Variants in LDB2 observed in about 807,000 individuals in gnomAD.
LDB2 encodes LIM domain binding 2, also known as LIM domain-binding protein 2.
In LDB2, 12 loss-of-function variants were observed where a neutral mutation model predicts 44.3. That is an observed-to-expected ratio of 0.27 (90% CI 0.17 to 0.44). The LOEUF (loss-of-function observed/expected upper bound fraction) is 0.44, where lower values mean the gene tolerates loss of function less well. LDB2 is among the 20% of genes least tolerant of loss of function. The pLI, the probability that LDB2 is intolerant of heterozygous loss-of-function variation, is 1.00. For synonymous variants in LDB2, 164 were observed against 174.8 expected (o/e 0.94, Z 0.49); for missense variants, 344 against 473.5 (o/e 0.73, Z 2.54).
chr4:16,595,992 C>T, intron 2 of LDB2, 117 bp from the exon 3 acceptor site: 1 of 1,017,198 alleles, frequency 9.8e-7, no homozygotes, highest in Non-Finnish European at 1.4e-6. Context: ...AGAAACCATA[C>T]CAGGAGGCAA....
intron 2 of LDB2, among the ~76,000 whole-genome samples, chr4:16,605,719 CTG>C (rs1723743610): frequency 6.6e-6 from 1 of 152,180 alleles, no homozygotes; most frequent in African/African-American, 2.4e-5. Context: ...TAAAATCATT[CTG>C]TGTGTAGCTG....
chr4:16,707,371 A>C (rs2152650205), intron 2 of LDB2, among the ~76,000 whole-genome samples: 1 of 152,202 alleles, frequency 6.6e-6, no homozygotes, highest in South Asian at 2.1e-4. Flanking sequence ...AGGAAGAAAA[A>C]CCCCTATAAT....
chr4:16,825,669 T>C (rs1003541985), intron 1 of LDB2, among the ~76,000 whole-genome samples: 3 of 152,112 alleles, frequency 2.0e-5, no homozygotes, highest in Non-Finnish European at 4.4e-5. Context: ...AGGTGGGACT[T>C]CATGAAATGA....
At chr4:16,514,572 C>T (rs2152248130) in intron 5 of LDB2, among the ~76,000 whole-genome samples, 1 of 152,238 alleles carries the variant, frequency 6.6e-6, no homozygotes, top group East Asian at 1.9e-4. Context: ...TTGTTTGTAC[C>T]TATTACTGAC....
chr4:16,556,170 A>G (rs1219518573), intron 5 of LDB2, among the ~76,000 whole-genome samples: 1 of 152,216 alleles, frequency 6.6e-6, no homozygotes, highest in East Asian at 1.9e-4. Flanking sequence ...TTTTCTCTAA[A>G]TTTGAAATTA....
intron 2 of LDB2, among the ~76,000 whole-genome samples, chr4:16,677,871 G>T (rs1486604545): frequency 6.6e-6 from 1 of 152,176 alleles, no homozygotes; most frequent in Non-Finnish European, 1.5e-5. Context: ...AAGAAACACT[G>T]GGAAATGGCT....
At chr4:16,877,168 C>T (rs1718679002) in intron 1 of LDB2, among the ~76,000 whole-genome samples, 1 of 152,184 alleles carries the variant, frequency 6.6e-6, no homozygotes, top group Non-Finnish European at 1.5e-5. Context: ...AAAATGATGT[C>T]AGTTTGGAGA....
chr4:16,725,026 C>T (rs1759115055), intron 2 of LDB2, among the ~76,000 whole-genome samples: 2 of 152,006 alleles, frequency 1.3e-5, no homozygotes, highest in African/African-American at 2.4e-5. Context: ...ACTCTGTGTC[C>T]GAAACTAGTA....
chr4:16,885,039 G>A (rs1430881256), intron 1 of LDB2, among the ~76,000 whole-genome samples: 1 of 150,944 alleles, frequency 6.6e-6, no homozygotes, highest in Non-Finnish European at 1.5e-5. Flanking sequence ...ATACGTGTAT[G>A]AGGCTTATTT....
At chr4:16,787,173 C>T (rs973178653) in intron 1 of LDB2, among the ~76,000 whole-genome samples, 7 of 152,076 alleles carry the variant, frequency 4.6e-5, no homozygotes, top group Admixed American at 4.6e-4. Context: ...TTCCCTTTTC[C>T]ACTCAATAAA....
intron 5 of LDB2, among the ~76,000 whole-genome samples, chr4:16,543,258 C>A (rs1734535111): frequency 6.6e-6 from 1 of 152,142 alleles, no homozygotes; most frequent in Non-Finnish European, 1.5e-5. Flanking sequence ...TTTATAGCAG[C>A]ATGATTTATA....
chr4:16,895,544 T>TTGTGTG (rs60440696), intron 1 of LDB2, among the ~76,000 whole-genome samples: 8,286 of 150,696 alleles, frequency 0.055, 256 homozygotes, highest in African/African-American at 0.064. Flanking sequence ...TGGGGTGTGT[T>TTGTGTG]TGTGTGTGTG....
At chr4:16,686,739 G>C (rs56912079) in intron 2 of LDB2, among the ~76,000 whole-genome samples, 36,197 of 151,944 alleles carry the variant, frequency 0.24, 5,208 homozygotes, top group Non-Finnish European at 0.33. Context: ...ATGAATGAAT[G>C]AATCAATCAA....
At chr4:16,651,493 GC>G (rs1280241718) in intron 2 of LDB2, among the ~76,000 whole-genome samples, 4 of 152,066 alleles carry the variant, frequency 2.6e-5, no homozygotes, top group African/African-American at 9.7e-5. Context: ...CTGGAGAAGA[GC>G]TGTGTCTATG....
chr4:16,777,966 G>C (rs1274742020), intron 1 of LDB2, among the ~76,000 whole-genome samples: 1 of 152,014 alleles, frequency 6.6e-6, no homozygotes, highest in Non-Finnish European at 1.5e-5. Flanking sequence ...TCTTGTCCCT[G>C]CCCTGCCTTC....
chr4:16,792,153 G>A (rs1254223812), intron 1 of LDB2, among the ~76,000 whole-genome samples: 5 of 152,184 alleles, frequency 3.3e-5, no homozygotes, highest in East Asian at 1.9e-4. Flanking sequence ...GATCATTAGT[G>A]TTAACCTAAG....
intron 3 of LDB2, among the ~76,000 whole-genome samples, chr4:16,591,060 A>G (rs1467118044): frequency 3.9e-5 from 6 of 152,232 alleles, no homozygotes; most frequent in Non-Finnish European, 5.9e-5. Flanking sequence ...TCTTGACAAA[A>G]ACACGACAGG....
intron 1 of LDB2, among the ~76,000 whole-genome samples, chr4:16,864,480 G>A (rs1486975038): frequency 6.6e-6 from 1 of 152,172 alleles, no homozygotes; most frequent in African/African-American, 2.4e-5. Context: ...TACAGTAAGT[G>A]TAAGACTCGG....
At chr4:16,583,546 A>T (rs922770990) in intron 5 of LDB2, among the ~76,000 whole-genome samples, 4 of 152,174 alleles carry the variant, frequency 2.6e-5, no homozygotes, top group Non-Finnish European at 4.4e-5. Context: ...GTATTTTGTG[A>T]CTGCTCCGCT....
Sources: gnomAD v4.1 joint callset for allele counts (sites outside exome capture counted in the v4.1 genomes callset) on GRCh38, gnomAD v4.1.1 for gene constraint, MANE v1.5 for transcripts, NCBI Gene and HGNC (gene_info 2026-07-23, HGNC 2026-07-21) for gene names.